The following CASK variants were observed in gnomAD, a reference collection of about 807,000 sequenced individuals.
CASK encodes calcium/calmodulin dependent serine protein kinase.
CASK carries 4 observed loss-of-function variants against 82.9 expected under a neutral mutation model. That is an observed-to-expected ratio of 0.05 (90% confidence interval 0.02 to 0.11). The LOEUF is 0.11. Ranked by LOEUF, CASK falls within the 10% of genes least tolerant of loss-of-function variation. The pLI, the probability that CASK is intolerant of heterozygous loss-of-function variation, is 1.00. For synonymous variants in CASK, 259 were observed against 253.5 expected (o/e 1.02, Z -0.20); for missense variants, 358 against 720.9 (o/e 0.50, Z 5.76).
chrX:41,731,748 A>G (rs926607405), intron 5 of CASK, among the ~76,000 whole-genome samples: 1 of 110,874 alleles, frequency 9.0e-6, no homozygotes, highest in African/African-American at 3.3e-5. Context: ...TTAATGGCAT[A>G]GTAAATATTT....
At chrX:41,824,127 G>A (rs952970981) in intron 2 of CASK, among the ~76,000 whole-genome samples, 21 of 111,757 alleles carry the variant, frequency 1.9e-4, no homozygotes, top group African/African-American at 5.5e-4. Context: ...AAGCAAAAAC[G>A]TGGGCATTTC....
intron 13 of CASK, chrX:41,587,214 G>A (rs2065669997): frequency 3.3e-6 from 1 of 302,125 alleles, no homozygotes; most frequent in Non-Finnish European, 5.8e-6. Flanking sequence ...AACCTAAAAG[G>A]TTATTGAAAA....
chrX:41,716,742 C>A (rs897656254), intron 5 of CASK, among the ~76,000 whole-genome samples: 2 of 111,533 alleles, frequency 1.8e-5, no homozygotes, highest in African/African-American at 6.5e-5. Context: ...TGGCTTGTGC[C>A]TTATCCCATC....
chrX:41,596,498 C>T (rs759725689), intron 12 of CASK, among the ~76,000 whole-genome samples: 3 of 112,040 alleles, frequency 2.7e-5, no homozygotes, highest in Non-Finnish European at 3.8e-5. Flanking sequence ...TATTTGCTTT[C>T]CTGAAATTTG....
intron 11 of CASK, among the ~76,000 whole-genome samples, chrX:41,622,396 T>C (rs1357489263): frequency 8.9e-6 from 1 of 112,498 alleles, no homozygotes; most frequent in Non-Finnish European, 1.9e-5. Context: ...CTGTCTTTTT[T>C]CCTCTTATGA....
At chrX:41,710,764 C>T (rs2147628064) in intron 5 of CASK, among the ~76,000 whole-genome samples, 1 of 111,930 alleles carries the variant, frequency 8.9e-6, no homozygotes, top group East Asian at 2.8e-4. Context: ...TAAGCCCCAT[C>T]CCCAACCTCC....
chrX:41,809,247 C>T (rs2070214974), intron 2 of CASK, among the ~76,000 whole-genome samples: 1 of 112,120 alleles, frequency 8.9e-6, no homozygotes, highest in African/African-American at 3.2e-5. Flanking sequence ...AGTAGTGGTT[C>T]TCCCAGCATG....
chrX:41,705,827 T>C (rs1289918002), intron 5 of CASK, among the ~76,000 whole-genome samples: 1 of 111,649 alleles, frequency 9.0e-6, no homozygotes, highest in Non-Finnish European at 1.9e-5. Flanking sequence ...TGCAGACAGT[T>C]CCTTCCTACA....
At chrX:41,521,430 G>C (rs1184733590) in intron 26 of CASK, among the ~76,000 whole-genome samples, 2 of 111,913 alleles carry the variant, frequency 1.8e-5, no homozygotes, top group Non-Finnish European at 3.8e-5. Flanking sequence ...ACTCTAGGGA[G>C]GTTTGCTGCA....
intron 9 of CASK, among the ~76,000 whole-genome samples, chrX:41,627,848 C>A (rs1184021321): frequency 9.0e-6 from 1 of 111,469 alleles, no homozygotes; most frequent in Non-Finnish European, 1.9e-5. Context: ...ACTAAAAATA[C>A]AGAAAATTAG....
intron 11 of CASK, among the ~76,000 whole-genome samples, chrX:41,620,330 C>T (rs1289957017): frequency 8.9e-6 from 1 of 112,088 alleles, no homozygotes; most frequent in Non-Finnish European, 1.9e-5. Context: ...ACATTAAATT[C>T]TCAATGTGTG....
chrX:41,812,563 A>C (rs1418905932), intron 2 of CASK, among the ~76,000 whole-genome samples: 1 of 111,648 alleles, frequency 9.0e-6, no homozygotes, highest in Non-Finnish European at 1.9e-5. Flanking sequence ...AAAACTCTCA[A>C]TAAATTAGGT....
intron 18 of CASK, chrX:41,559,036 A>G (rs1470441803): frequency 8.9e-6 from 1 of 112,076 alleles, no homozygotes; most frequent in African/African-American, 3.2e-5. Context: ...TGCAATGACC[A>G]AAGGATGATA....
chrX:41,716,374 C>T (rs928138535), intron 5 of CASK, among the ~76,000 whole-genome samples: 1 of 112,527 alleles, frequency 8.9e-6, no homozygotes, highest in Non-Finnish European at 1.9e-5. Context: ...TATTTGCCTT[C>T]GCAAGTGTGT....
intron 1 of CASK, among the ~76,000 whole-genome samples, chrX:41,917,077 A>G (rs2072705913): frequency 8.9e-6 from 1 of 112,624 alleles, no homozygotes; most frequent in South Asian, 3.7e-4. Flanking sequence ...AAAGTCAAAC[A>G]ACTAAAATTT....
intron 5 of CASK, among the ~76,000 whole-genome samples, chrX:41,720,017 G>A (rs956125930): frequency 2.7e-5 from 3 of 112,846 alleles, no homozygotes; most frequent in Non-Finnish European, 5.6e-5. Flanking sequence ...TCTAAGAGAA[G>A]TTACTATTTA....
At chrX:41,725,288 A>G (rs978354962) in intron 5 of CASK, among the ~76,000 whole-genome samples, 2 of 111,988 alleles carry the variant, frequency 1.8e-5, no homozygotes, top group Non-Finnish European at 3.8e-5. Context: ...TTATAATATC[A>G]TATTTGAAAA....
chrX:41,758,657 T>A (rs2068941152), intron 3 of CASK, among the ~76,000 whole-genome samples: 1 of 110,925 alleles, frequency 9.0e-6, no homozygotes, highest in South Asian at 3.8e-4. Flanking sequence ...GGGTTGGGAA[T>A]GTCTGAGGTG....
intron 5 of CASK, among the ~76,000 whole-genome samples, chrX:41,674,179 T>C (rs960440911): frequency 9.1e-6 from 1 of 109,424 alleles, no homozygotes; most frequent in Non-Finnish European, 1.9e-5. Context: ...TAAGGAGAGA[T>C]TTGCTGCAGT....
Sources: allele counts gnomAD v4.1 joint callset (sites outside exome capture counted in the v4.1 genomes callset), GRCh38; gene constraint gnomAD v4.1.1; transcripts MANE v1.5; gene names NCBI Gene and HGNC (gene_info 2026-07-23, HGNC 2026-07-21).